PIK3CA: variants seen among roughly 807,000 people sequenced by gnomAD.
PIK3CA encodes phosphatidylinositol 4,5-bisphosphate 3-kinase catalytic subunit alpha isoform.
Under a neutral mutation model 138.2 loss-of-function variants are expected in PIK3CA, and 27 were observed. That is an observed-to-expected ratio of 0.20 (90% CI 0.14 to 0.27). PIK3CA has a LOEUF of 0.27. PIK3CA is among the 10% of genes least tolerant of loss of function. The probability of loss-of-function intolerance (pLI) is 1.00; values close to 1 mark genes in which losing one functional copy is unlikely to be tolerated. For synonymous variants in PIK3CA, 358 were observed against 413.2 expected (o/e 0.87, Z 1.62); for missense variants, 544 against 1,277.4 (o/e 0.43, Z 8.75).
At chr3:179,187,787 G>A (rs958296056) in intron 1 of PIK3CA, among the ~76,000 whole-genome samples, 9 of 151,422 alleles carry the variant, frequency 5.9e-5, no homozygotes, top group East Asian at 4.0e-4. Flanking sequence ...ACAGGCGCCC[G>A]CCACCATGCC....
chr3:179,162,088 A>G (rs1281862240), intron 1 of PIK3CA, among the ~76,000 whole-genome samples: 1 of 152,134 alleles, frequency 6.6e-6, no homozygotes, highest in Non-Finnish European at 1.5e-5. Context: ...TTTATATATC[A>G]CCTTGTACAG....
chr3:179,166,845 C>T (rs1046312380), intron 1 of PIK3CA, among the ~76,000 whole-genome samples: 2 of 152,036 alleles, frequency 1.3e-5, no homozygotes, highest in African/African-American at 4.8e-5. Context: ...AAATTCAGAT[C>T]CAGTATGCCA....
chr3:179,186,217 A>G (rs1323986956), intron 1 of PIK3CA, among the ~76,000 whole-genome samples: 2 of 152,232 alleles, frequency 1.3e-5, no homozygotes, highest in Non-Finnish European at 2.9e-5. Context: ...GTATTTCACA[A>G]TATCACATAG....
intron 9 of PIK3CA, among the ~76,000 whole-genome samples, chr3:179,216,151 C>G (rs867268589): frequency 1.5e-5 from 2 of 136,540 alleles, no homozygotes; most frequent in African/African-American, 2.5e-5. Flanking sequence ...CAGATGACAA[C>G]ACCTAAACTG....
rs2108387771 is a variant in PIK3CA, at chr3:179,199,846, A to T, written c.509A>T (p.Asn170Ile). Residue 170 changes from asparagine to isoleucine, a missense_variant, in exon 3 of 21, where the codon AAT becomes ATT. Asn to Ile is a moderately radical substitution (Grantham distance 149). Transcript: ENST00000263967. ...HSRAMYVYPP[N>I]VESSPELPKH... ...AGAGCAATGTATGTCTATCCTCCAA[A>T]TGTAGAATCTTCACCAGAATTGCCA... The T allele has an allele frequency of 6.2e-7, 1 of 1,612,838 alleles. No homozygotes were observed. Among genetic ancestry groups the T allele is most frequent in the Non-Finnish European group, 8.5e-7 (1 of 1,178,944 alleles).
chr3:179,221,696 CTTTTTTT>C (rs200211358), intron 14 of PIK3CA, among the ~76,000 whole-genome samples: 1,380 of 77,528 alleles, frequency 0.018, 20 homozygotes, highest in South Asian at 0.15. Flanking sequence ...ACAATGTAAA[CTTTTTTT>C]TTTTTTTTTT....
intron 1 of PIK3CA, among the ~76,000 whole-genome samples, chr3:179,173,404 C>CAAAAAAAAAAAA (rs749831764): frequency 4.6e-5 from 2 of 43,100 alleles, no homozygotes; most frequent in South Asian, 1.0e-3. Flanking sequence ...GCTAAAAATA[C>CAAAAAAAAAAAA]AAAAAAAAAA....
chr3:179,174,419 G>A lies in PIK3CA; in HGVS notation c.-76-24331G>A, dbSNP rs187429086. ...TGGGAGGCGGAGGTTGCAGTGAGCC[G>A]AGATTGTGCCACTGCACTCTCTAGC... On this transcript the variant is annotated intron_variant, in intron 1 of 20. Transcript: ENST00000263967. Among the ~76,000 whole-genome samples, 26 of 152,272 alleles carry A rather than the reference G, an allele frequency of 1.7e-4. No individual in the cohort carries two copies. The East Asian group carries it at 2.5e-3, about 15-fold the overall frequency.
rs1210345192 is a variant in PIK3CA, at chr3:179,237,841, C to A, written c.*3477C>A. 1 of 209,708 alleles carries A rather than the reference C, an allele frequency of 4.8e-6. No homozygotes were observed. Among genetic ancestry groups the A allele is most frequent in the East Asian group, 7.1e-5 (1 of 14,030 alleles). 13.0% of individuals were successfully genotyped at this position (209,708 alleles called of 1,614,324 possible). A position where few individuals can be genotyped will look rare whatever the true frequency, so the allele number is the denominator to read the frequency against. On this transcript the variant is annotated 3_prime_UTR_variant, in exon 21 of 21. Transcript: ENST00000263967. The stretch of plus-strand genomic sequence containing the variant: ...TTTAAAGCTAGCCTGTTAACTTTTT[C>A]TGAATATTTAAAGTTCCTCTTTTTT...
chr3:179,218,251 CAAAG>C lies in PIK3CA; in HGVS notation c.1584_1587del (p.Lys528AsnfsTer31). ...GAGACAATGAATTAAGGGAAAATGA[CAAAG>C]AACAGCTCAAAGCAATTTCTACACG... On this transcript the variant is annotated frameshift_variant, in exon 10 of 21. Coordinates refer to ENST00000263967, the MANE Select transcript of PIK3CA (RefSeq NM_006218.4). LOFTEE classifies it high-confidence loss of function. The C allele has an allele frequency of 1.2e-6, 2 of 1,609,690 alleles. No individual in the cohort carries two copies. Among genetic ancestry groups the C allele is most frequent in the African/African-American group, 1.3e-5 (1 of 74,856 alleles).
chr3:179,201,609 A>ATTTTTTTTTTTTTTT (rs373901635), intron 4 of PIK3CA, 69 bp downstream of exon 4: 2 of 763,684 alleles, frequency 2.6e-6, no homozygotes, highest in South Asian at 2.2e-5. Context: ...GAGTATCTGT[A>ATTTTTTTTTTTTTTT]TTTTTTTTTT....
At chr3:179,190,215 CTAGAG>C (rs373230687) in intron 1 of PIK3CA, among the ~76,000 whole-genome samples, 83 of 152,152 alleles carry the variant, frequency 5.5e-4, no homozygotes, top group East Asian at 5.0e-3. Flanking sequence ...TACATTTTCA[CTAGAG>C]TAATTTCAAC....
intron 1 of PIK3CA, among the ~76,000 whole-genome samples, chr3:179,168,456 T>G (rs1723472519): frequency 6.6e-6 from 1 of 152,176 alleles, no homozygotes; most frequent in Admixed American, 6.5e-5. Flanking sequence ...TATTGTCTAG[T>G]ATAGTTCTTT....
Position 179,239,874 on chromosome 3 carries a change from T to C in PIK3CA, c.*5510T>C, listed in dbSNP as rs1476977249. 12 of 592,158 alleles carry C rather than the reference T, an allele frequency of 2.0e-5. No individual in the cohort carries two copies. Among genetic ancestry groups the C allele is most frequent in the Non-Finnish European group, 3.2e-5 (11 of 343,994 alleles). The allele number at this position is 592,158 out of a possible 1,614,324, so 36.7% of individuals were successfully genotyped here. On this transcript the variant is annotated 3_prime_UTR_variant, in exon 21 of 21. Coordinates refer to ENST00000263967, the MANE Select transcript of PIK3CA (RefSeq NM_006218.4). ...CCTTTTAATGATGGCCCAGAAAGCA[T>C]TTGACACAGCAAGATGCATGTGTTA...
chr3:179,157,643 A>G (rs1723173372), intron 1 of PIK3CA, among the ~76,000 whole-genome samples: 1 of 152,028 alleles, frequency 6.6e-6, no homozygotes, highest in South Asian at 2.1e-4. Context: ...AATTTTTTTT[A>G]CCAATCAAAA....
intron 14 of PIK3CA, among the ~76,000 whole-genome samples, chr3:179,222,681 C>A (rs1724995857): frequency 6.6e-6 from 1 of 152,190 alleles, no homozygotes. Context: ...TGACTGGGAG[C>A]TGCGGCTCGC....
At position 179,153,132 on chromosome 3, in the gene PIK3CA, A is replaced by G. The variant is rs549374319; in HGVS notation, c.-77+4529A>G. Among the ~76,000 whole-genome samples, 3 of 152,338 alleles carry G rather than the reference A, an allele frequency of 2.0e-5. No homozygotes were observed. In the South Asian group the frequency reaches 6.2e-4, roughly 32 times the overall value. On this transcript the variant is annotated intron_variant, in intron 1 of 20. Transcript: ENST00000263967. ...AATTTTCAGGTGATATAAGAAATATAGGAAAAATTGGTCTTCTGGTCAGGA... is the reference window on the plus strand; with the variant it reads ...AATTTTCAGGTGATATAAGAAATATGGGAAAAATTGGTCTTCTGGTCAGGA...
intron 6 of PIK3CA, among the ~76,000 whole-genome samples, chr3:179,207,688 C>G (rs1348351458): frequency 6.6e-6 from 1 of 151,752 alleles, no homozygotes; most frequent in Non-Finnish European, 1.5e-5. Context: ...CCCAGCTAAT[C>G]TTGGCATTTT....
At chr3:179,159,233 G>C (rs995538355) in intron 1 of PIK3CA, among the ~76,000 whole-genome samples, 2 of 152,118 alleles carry the variant, frequency 1.3e-5, no homozygotes, top group Non-Finnish European at 1.5e-5. Flanking sequence ...CTTTTAGGGG[G>C]TGATATGTAC....
Sources: allele counts gnomAD v4.1 joint callset (sites outside exome capture counted in the v4.1 genomes callset), GRCh38; gene constraint gnomAD v4.1.1; transcripts MANE v1.5; gene names NCBI Gene and HGNC (gene_info 2026-07-23, HGNC 2026-07-21).